MDC1: variants seen among roughly 807,000 people sequenced by gnomAD.
MDC1 encodes the protein mediator of DNA damage checkpoint 1.
MDC1 carries 81 observed loss-of-function variants against 142.5 expected under a neutral mutation model. The ratio of observed to expected loss-of-function variants is 0.57; its 90% CI spans 0.47 to 0.68. The LOEUF (loss-of-function observed/expected upper bound fraction) is 0.68, where lower values mean the gene tolerates loss of function less well. MDC1 is among the 30% of genes least tolerant of loss of function. The pLI is 0.00. For missense variants in MDC1, 2,119 were observed against 2,547.9 expected, an observed-to-expected ratio of 0.83 and a Z score of 3.62; for synonymous variants, 797 against 968.4, an observed-to-expected ratio of 0.82 and a Z score of 3.29.
rs373360750 is a variant in MDC1, at chr6:30,713,898, G to A, written c.422C>T (p.Ser141Phe). The change falls in exon 3 of 15, where the codon TCC becomes TTC. Residue 141 changes from serine (S) to phenylalanine (F), a missense_variant. Coordinates refer to ENST00000376406, the MANE Select transcript of MDC1 (RefSeq NM_014641.3). This position sits in a 1 kb window ranked among gnomAD's most constrained non-coding sequence, Gnocchi z 4.9. Reference protein sequence around the residue: ...HRLDVSLPFVSRGPLTVEETP... With the variant: ...HRLDVSLPFVFRGPLTVEETP... ...CTCTTCTACTGTCAGAGGGCCCCGG[G>A]AGACAAAGGGCAGAGAGACATCCAG... is the stretch of plus-strand genomic sequence containing the variant. 440 of 1,613,772 alleles carry A rather than the reference G, an allele frequency of 2.7e-4. No homozygotes were observed. The highest frequency in any genetic ancestry group is 3.5e-4 in the Non-Finnish European group (416 of 1,180,044).
chr6:30,703,317 G>T lies in MDC1; in HGVS notation c.5683-31C>A. 6.2e-7 allele frequency: 1 copy of T among 1,608,384 alleles called. No homozygotes were observed. On this transcript the variant is annotated intron_variant, in intron 11 of 14. Coordinates refer to ENST00000376406, the MANE Select transcript of MDC1 (RefSeq NM_014641.3). This position sits in a 1 kb window ranked among gnomAD's most constrained non-coding sequence, Gnocchi z 4.4. The stretch of plus-strand genomic sequence containing the variant: ...GAAGGGTTGACCTGAGGTGGTTACG[G>T]CAACCCATGCCATCAGCACCCATCT...
Position 30,705,904 on chromosome 6 carries a change from G to A in MDC1, c.3279C>T (p.Pro1093=), listed in dbSNP as rs28994868. 25,867 of 1,613,272 alleles carry A rather than the reference G, an allele frequency of 0.016. 374 individuals carry two copies. The highest frequency in any genetic ancestry group is 0.06 in the Middle Eastern group (365 of 6,056). Reference sequence around the variant, plus strand: ...GGAAAGGCTCCAGCTCTGAGGACAAGGGAGCCTCTGGAGCTTCCTGACTCC... The same window carrying A: ...GGAAAGGCTCCAGCTCTGAGGACAAAGGAGCCTCTGGAGCTTCCTGACTCC... The part of the protein sequence containing the change: ...QDGSQEAPEA[P]LSSELEPFHP... The change falls in exon 10 of 15, where the codon CCC becomes CCT. Residue 1093 remains proline, a synonymous_variant. Coordinates refer to ENST00000376406, the MANE Select transcript of MDC1 (RefSeq NM_014641.3).
At position 30,716,916 on chromosome 6, in the gene MDC1, C is replaced by G; in HGVS notation, c.-4+329G>C. On this transcript the variant is annotated intron_variant, in intron 1 of 14. Transcript: ENST00000376406. This position sits in a 1 kb window ranked among gnomAD's most constrained non-coding sequence, Gnocchi z 4.4. ...TGCCACTCTAGAGGGAAACTGTTGA[C>G]AGGTAGGGAAAGTAGGATGCCCCAT... The G allele has an allele frequency of 5.1e-6, 5 of 984,990 alleles. No individual in the cohort carries two copies. Among genetic ancestry groups the G allele is most frequent in the Non-Finnish European group, 6.0e-6 (5 of 829,568 alleles). 61.0% of individuals were successfully genotyped at this position (984,990 alleles called of 1,614,324 possible). A position where few individuals can be genotyped will look rare whatever the true frequency, so the allele number is the denominator to read the frequency against.
At chr6:30,717,068 C>G (rs1460960689) in intron 1 of MDC1, 177 bp downstream of exon 1, 2 of 190,812 alleles carry the variant, frequency 1.0e-5, no homozygotes, top group African/African-American at 4.7e-5. Context: ...CCCGACGTCT[C>G]CCTGTGTCTT....
At position 30,705,930 on chromosome 6, in the gene MDC1, C is replaced by A; in HGVS notation, c.3253G>T (p.Gly1085Trp). Residue 1085 changes from glycine (G) to tryptophan (W), a missense_variant, in exon 10 of 15, where the codon GGG becomes TGG. Transcript: ENST00000376406. ...KPTVRKTRQD[G>W]SQEAPEAPLS... ...GGAGCCTCTGGAGCTTCCTGACTCC[C>A]ATCTTGCCTGGTCTTACGAACGGTT... 1 of 1,613,814 alleles carries A rather than the reference C, an allele frequency of 6.2e-7. No homozygotes were observed. The highest frequency in any genetic ancestry group is 8.5e-7 in the Non-Finnish European group (1 of 1,179,886).
intron 7 of MDC1, among the ~76,000 whole-genome samples, chr6:30,708,613 G>A (rs1308445349): frequency 1.3e-5 from 2 of 152,190 alleles, no homozygotes; most frequent in East Asian, 1.9e-4. Flanking sequence ...CAGGACTTTG[G>A]GAGGCCAAGA....
rs776935799 is a variant in MDC1 at position 30,713,081 on chromosome 6, C to T, written c.861G>A (p.Val287=). 2 of 1,613,110 alleles carry T rather than the reference C, an allele frequency of 1.2e-6. No homozygotes were observed. Among genetic ancestry groups the T allele is most frequent in the Admixed American group, 3.3e-5 (2 of 60,028 alleles). ...GAGNGVVPAG[V]ILERSQPPGE... The stretch of plus-strand genomic sequence containing the variant: ...CAGGAGGTTGGCTCCTCTCCAGAAT[C>T]ACCCCAGCTGGAACCACCCCATTCC... The change falls in exon 5 of 15, where the codon GTG becomes GTA. Residue 287 remains valine, a synonymous_variant. Coordinates refer to ENST00000376406, the MANE Select transcript of MDC1 (RefSeq NM_014641.3). The surrounding 1 kb of genome is among the most constrained non-coding windows in gnomAD (Gnocchi z 4.9).
chr6:30,704,122 G>A lies in MDC1; in HGVS notation c.5061C>T (p.Ser1687=). 6.2e-7 allele frequency: 1 copy of A among 1,614,008 alleles called. No homozygotes were observed. Among genetic ancestry groups the A allele is most frequent in the Non-Finnish European group, 8.5e-7 (1 of 1,179,934 alleles). ...QGGQSKTLRS[S]TVRAMPVPTT... is the part of the protein sequence containing the mutation. Reference sequence around the variant, plus strand: ...TAGGAACCGGCATAGCTCTTACTGTGGAAGACCTCAGTGTTTTGCTCTGAC... The same window carrying A: ...TAGGAACCGGCATAGCTCTTACTGTAGAAGACCTCAGTGTTTTGCTCTGAC... The change falls in exon 10 of 15, where the codon TCC becomes TCT. Residue 1687 remains serine (S), a synonymous_variant. Coordinates refer to ENST00000376406, the MANE Select transcript of MDC1 (RefSeq NM_014641.3).
chr6:30,703,260 A>G lies in MDC1; in HGVS notation c.5709T>C (p.Ala1903=). 1.2e-6 allele frequency: 2 copies of G among 1,612,746 alleles called. No homozygotes were observed. The highest frequency in any genetic ancestry group is 1.7e-6 in the Non-Finnish European group (2 of 1,179,794). ...PKVLFTGVVD[A]RGERAVLALG... is the part of the protein sequence containing the mutation. Reference sequence around the variant, plus strand: ...GTGCCAGCACAGCCCGCTCTCCCCGAGCATCCACCACTCCTGTGAAGAGCA... The same window carrying G: ...GTGCCAGCACAGCCCGCTCTCCCCGGGCATCCACCACTCCTGTGAAGAGCA... Residue 1903 remains alanine (A), a synonymous_variant, in exon 12 of 15, where the codon GCT becomes GCC. Transcript: ENST00000376406. The surrounding 1 kb of genome is among the most constrained non-coding windows in gnomAD (Gnocchi z 4.4).
intron 9 of MDC1, 29 bp downstream of exon 9, chr6:30,707,355 G>C: frequency 3.1e-6 from 5 of 1,604,648 alleles, no homozygotes; most frequent in Non-Finnish European, 4.3e-6. Context: ...ATGACTTGTG[G>C]AATAGGAGGT....
chr6:30,703,005 T>C lies in MDC1; in HGVS notation c.5865+99A>G. The C allele has an allele frequency of 6.4e-7, 1 of 1,570,276 alleles. No homozygotes were observed. Among genetic ancestry groups the C allele is most frequent in the Non-Finnish European group, 8.6e-7 (1 of 1,158,902 alleles). On this transcript the variant is annotated intron_variant, in intron 12 of 14. Coordinates refer to ENST00000376406, the MANE Select transcript of MDC1 (RefSeq NM_014641.3). This position sits in a 1 kb window ranked among gnomAD's most constrained non-coding sequence, Gnocchi z 4.4. ...CAGGCTTCTGGCTCACCAATGCCCC[T>C]GTCTTCCTGTAACGCCTCTTCCCTT... is the stretch of plus-strand genomic sequence containing the variant.
intron 9 of MDC1, among the ~76,000 whole-genome samples, chr6:30,706,350 G>A (rs550368716): frequency 5.7e-4 from 86 of 152,112 alleles, no homozygotes; most frequent in African/African-American, 1.6e-3. Context: ...GGCCAGGCAT[G>A]GTGGCTGATG....
chr6:30,701,737 T>C (rs1772726583), intron 14 of MDC1, among the ~76,000 whole-genome samples: 1 of 152,166 alleles, frequency 6.6e-6, no homozygotes, highest in African/African-American at 2.4e-5. Context: ...ATTTTATTAA[T>C]GGAGTGTGAG....
At chr6:30,702,493 C>T in intron 14 of MDC1, 60 bp downstream of exon 14, 2 of 1,349,784 alleles carry the variant, frequency 1.5e-6, no homozygotes, top group Non-Finnish European at 1.0e-6. Flanking sequence ...CTTTGCCATT[C>T]CAGCCACCTC....
Position 30,716,015 on chromosome 6 carries a change from C to T in MDC1, c.-3-837G>A, listed in dbSNP as rs1056075344. Among the ~76,000 whole-genome samples, 3 of 152,150 alleles carry T rather than the reference C, an allele frequency of 2.0e-5. No homozygotes were observed. Among genetic ancestry groups the T allele is most frequent in the African/African-American group, 7.2e-5 (3 of 41,436 alleles). Reference sequence around the variant, plus strand: ...ATAAAATCTAAACTCCTTAGCGAGACCCTCCATGATCTGAACTTCACATCT... The same window carrying T: ...ATAAAATCTAAACTCCTTAGCGAGATCCTCCATGATCTGAACTTCACATCT... On this transcript the variant is annotated intron_variant, in intron 1 of 14. Coordinates refer to ENST00000376406, the MANE Select transcript of MDC1 (RefSeq NM_014641.3). This position sits in a 1 kb window ranked among gnomAD's most constrained non-coding sequence, Gnocchi z 4.4.
intron 9 of MDC1, 26 bp downstream of exon 9, chr6:30,707,358 T>C (rs2269702): frequency 0.024 from 38,202 of 1,607,586 alleles, 1,275 homozygotes; most frequent in African/African-American, 0.12. Context: ...ACTTGTGGAA[T>C]AGGAGGTAGA....
rs1562067101 is a variant in MDC1, at chr6:30,700,577, A to C, written c.6158T>G (p.Leu2053Arg). ...CGAGAGGAGGGGCAGCCCAACCCGTAGTGGAATGGAGCAATGAGGGAAGTC... is the reference window on the plus strand; with the variant it reads ...CGAGAGGAGGGGCAGCCCAACCCGTCGTGGAATGGAGCAATGAGGGAAGTC... ...PQDFPHCSIP[L>R]RVGLPLLSPE... Residue 2053 changes from leucine (L) to arginine (R), a missense_variant, in exon 15 of 15, where the codon CTA (leucine) becomes CGA (arginine). Transcript: ENST00000376406. 1 of 1,613,004 alleles carries C rather than the reference A, an allele frequency of 6.2e-7. No individual in the cohort carries two copies. The highest frequency in any genetic ancestry group is 1.1e-5 in the South Asian group (1 of 91,084).
Position 30,716,501 on chromosome 6 carries a change from C to T in MDC1, c.-4+744G>A, listed in dbSNP as rs1357026168. ...TGTTGGGATTACAGCAGTGAGCAAC[C>T]GCGCCCGGCCTCAAATGTCACTTTC... On this transcript the variant is annotated intron_variant, in intron 1 of 14. Transcript: ENST00000376406. This position sits in a 1 kb window ranked among gnomAD's most constrained non-coding sequence, Gnocchi z 4.4. 6.6e-6 allele frequency among the ~76,000 whole-genome samples: 1 copy of T among 152,170 alleles called. No homozygotes were observed. Among genetic ancestry groups the T allele is most frequent in the Non-Finnish European group, 1.5e-5 (1 of 68,032 alleles).
intron 7 of MDC1, among the ~76,000 whole-genome samples, 195 bp downstream of exon 7, chr6:30,711,217 A>G (rs1047791967): frequency 4.6e-5 from 7 of 152,202 alleles, no homozygotes; most frequent in African/African-American, 1.7e-4. Context: ...TCTACTAAAC[A>G]TACAAAAAAT....
Sources: allele counts gnomAD v4.1 joint callset (sites outside exome capture counted in the v4.1 genomes callset), GRCh38; gene constraint gnomAD v4.1.1; non-coding constraint Gnocchi (gnomAD v3.1); transcripts MANE v1.5; gene names NCBI Gene and HGNC (gene_info 2026-07-23, HGNC 2026-07-21).